Variants in PRRC2C observed in about 807,000 individuals in gnomAD.
PRRC2C encodes the protein protein PRRC2C.
Under a neutral mutation model 317.2 loss-of-function variants are expected in PRRC2C, and 72 were observed. The observed-to-expected ratio is 0.23, with a 90% CI of 0.19 to 0.28. The LOEUF is 0.28. Among genes scored for constraint, PRRC2C ranks in the 10% least tolerant of loss-of-function variants. The pLI is 1.00. For missense variants in PRRC2C, 3,074 were observed against 3,459.7 expected (o/e 0.89, Z 2.80); for synonymous variants, 1,296 against 1,205.9 (o/e 1.07, Z -1.55).
intron 11 of PRRC2C, among the ~76,000 whole-genome samples, chr1:171,530,754 C>A (rs1675695826): frequency 6.6e-6 from 1 of 152,068 alleles, no homozygotes; most frequent in Non-Finnish European, 1.5e-5. Flanking sequence ...CTGATGACAC[C>A]ATGTGTTGGC....
chr1:171,553,228 G>T (rs1680655709), intron 18 of PRRC2C, among the ~76,000 whole-genome samples: 1 of 152,200 alleles, frequency 6.6e-6, no homozygotes, highest in African/African-American at 2.4e-5. Context: ...ATTTCTTCTA[G>T]ATTTTCCAGT....
At chr1:171,560,432 A>G (rs1464111949) in intron 19 of PRRC2C, among the ~76,000 whole-genome samples, 1 of 152,160 alleles carries the variant, frequency 6.6e-6, no homozygotes, top group Non-Finnish European at 1.5e-5. Context: ...GTTCTACCAT[A>G]TGGGTAAACA....
At chr1:171,567,853 C>G (rs74782047) in intron 22 of PRRC2C, among the ~76,000 whole-genome samples, 5,724 of 152,232 alleles carry the variant, frequency 0.038, 335 homozygotes, top group African/African-American at 0.13. Context: ...CCCCTGCTTT[C>G]TTCCAGAACA....
intron 18 of PRRC2C, among the ~76,000 whole-genome samples, chr1:171,553,040 C>T (rs185726402): frequency 7.3e-4 from 111 of 152,276 alleles, no homozygotes; most frequent in African/African-American, 2.0e-3. Flanking sequence ...GGAATGGTAC[C>T]GGCTCCTCTT....
chr1:171,517,735 C>T lies in PRRC2C; in HGVS notation c.671C>T (p.Ala224Val), dbSNP rs1338564371. 6.2e-7 allele frequency: 1 copy of T among 1,613,800 alleles called. No individual in the cohort carries two copies. Among genetic ancestry groups the T allele is most frequent in the Non-Finnish European group, 8.5e-7 (1 of 1,179,866 alleles). Residue 224 changes from alanine to valine, a missense_variant, in exon 6 of 35, where the codon GCT becomes GTT. Ala to Val is a moderately conservative substitution (Grantham distance 64). Around this residue, in one of 11 missense-constraint regions of PRRC2C, gnomAD observed 237 missense variants for 199.5 expected, o/e 1.19. Coordinates refer to ENST00000647382, the MANE Select transcript of PRRC2C (RefSeq NM_001387844.1). Reference protein sequence around the residue: ...DILKVVEKRIACGPPQAKLNG... With the variant: ...DILKVVEKRIVCGPPQAKLNG... Reference sequence around the variant, plus strand: ...CTCAAAGTGGTGGAAAAGAGGATAGCTTGTGGTCCTCCACAGGCTAAACTG... The same window carrying T: ...CTCAAAGTGGTGGAAAAGAGGATAGTTTGTGGTCCTCCACAGGCTAAACTG...
Position 171,577,537 on chromosome 1 carries a change from C to T in PRRC2C, c.7059C>T (p.Ser2353=), listed in dbSNP as rs141914006. Residue 2353 remains serine (S), a synonymous_variant, in exon 26 of 35, where the codon AGC becomes AGT. Coordinates refer to ENST00000647382, the MANE Select transcript of PRRC2C (RefSeq NM_001387844.1). ...KVKPQQLQTS[S]LPSASHFSQL... ...AACCTCAGCAGTTACAGACAAGCAG[C>T]CTGCCTTCTGCAAGTCATTTTTCAC... is the stretch of plus-strand genomic sequence containing the variant. The T allele has an allele frequency of 6.2e-7, 1 of 1,613,182 alleles. No homozygotes were observed. The highest frequency in any genetic ancestry group is 8.5e-7 in the Non-Finnish European group (1 of 1,179,318).
rs11546361 is a variant in PRRC2C, at chr1:171,512,145, A to G, written c.57A>G (p.Thr19=). The G allele has an allele frequency of 4.4e-6, 7 of 1,583,070 alleles. No individual in the cohort carries two copies. In the Admixed American group the frequency reaches 5.5e-5, roughly 12 times the overall value. ...CAAAGGATGGGAAAAAGTATGCAAC[A>G]CTCAGTTTATTTAATACTTACAAGG... The part of the protein sequence containing the change: ...TKAKDGKKYA[T]LSLFNTYKGK... Residue 19 remains threonine (T), a synonymous_variant, in exon 2 of 35, where the codon ACA becomes ACG. Coordinates refer to ENST00000647382, the MANE Select transcript of PRRC2C (RefSeq NM_001387844.1).
intron 1 of PRRC2C, among the ~76,000 whole-genome samples, chr1:171,491,296 G>T (rs1184215853): frequency 2.0e-5 from 3 of 152,132 alleles, no homozygotes; most frequent in South Asian, 4.2e-4. Context: ...GAAGGTACAG[G>T]GCTGCTATAT....
chr1:171,543,989 C>G (rs1201050554), intron 16 of PRRC2C, among the ~76,000 whole-genome samples: 1 of 152,168 alleles, frequency 6.6e-6, no homozygotes, highest in African/African-American at 2.4e-5. Flanking sequence ...CATTCATTAA[C>G]CTGTTAAGGA....
Position 171,514,605 on chromosome 1 carries a change from C to T in PRRC2C, c.360C>T (p.Pro120=). The T allele has an allele frequency of 6.4e-7, 1 of 1,561,002 alleles. No individual in the cohort carries two copies. The highest frequency in any genetic ancestry group is 1.4e-5 in the African/African-American group (1 of 73,336). ...CTCCCCCAGAAGTAGCACCTGCTCC[C>T]AAATCATGGGCCAGTAACAAGCAAG... ...VAAPPEVAPA[P]KSWASNKQGG... The change falls in exon 4 of 35, where the codon CCC becomes CCT. Residue 120 remains proline, a synonymous_variant. Coordinates refer to ENST00000647382, the MANE Select transcript of PRRC2C (RefSeq NM_001387844.1).
chr1:171,592,101 A>G lies in PRRC2C; in HGVS notation c.*254A>G, dbSNP rs145977500. On this transcript the variant is annotated 3_prime_UTR_variant, in exon 35 of 35. Coordinates refer to ENST00000647382, the MANE Select transcript of PRRC2C (RefSeq NM_001387844.1). Reference sequence around the variant, plus strand: ...GGCCATGCATCTTCAGTCAGAATTTATATATAAATGTATGCACCCATTTTT... The same window carrying G: ...GGCCATGCATCTTCAGTCAGAATTTGTATATAAATGTATGCACCCATTTTT... The G allele has an allele frequency of 4.0e-5, 16 of 398,618 alleles. No individual in the cohort carries two copies. The East Asian group carries it at 4.7e-4, about 12-fold the overall frequency. The allele number at this position is 398,618 out of a possible 1,614,324, so 24.7% of individuals were successfully genotyped here. A position where few individuals can be genotyped will look rare whatever the true frequency, so the allele number is the denominator to read the frequency against.
chr1:171,525,439 A>T lies in PRRC2C; in HGVS notation c.1200+474A>T, dbSNP rs1184778903. Among the ~76,000 whole-genome samples the T allele has an allele frequency of 3.9e-5, 6 of 152,322 alleles. No individual in the cohort carries two copies. In the East Asian group the frequency reaches 1.2e-3, roughly 29 times the overall value. On this transcript the variant is annotated intron_variant, in intron 10 of 34. Coordinates refer to ENST00000647382, the MANE Select transcript of PRRC2C (RefSeq NM_001387844.1). The stretch of plus-strand genomic sequence containing the variant: ...GTGTGTGCAACAGATATTTGATCCC[A>T]CTTCTGAGATGGTAAATGGTTGCAA...
intron 16 of PRRC2C, among the ~76,000 whole-genome samples, chr1:171,543,203 T>C (rs1252387776): frequency 6.6e-6 from 1 of 150,594 alleles, no homozygotes; most frequent in African/African-American, 2.4e-5. Context: ...CCCCGTCCTC[T>C]ACTAAAAATA....
intron 1 of PRRC2C, among the ~76,000 whole-genome samples, chr1:171,491,439 C>T (rs1667128433): frequency 6.6e-6 from 1 of 152,158 alleles, no homozygotes; most frequent in African/African-American, 2.4e-5. Flanking sequence ...ACTTCTCTCT[C>T]CAAGGCATCA....
At position 171,591,749 on chromosome 1, in the gene PRRC2C, G is replaced by A; in HGVS notation, c.8599G>A (p.Glu2867Lys). The A allele has an allele frequency of 6.2e-7, 1 of 1,613,514 alleles. No homozygotes were observed. The highest frequency in any genetic ancestry group is 8.5e-7 in the Non-Finnish European group (1 of 1,179,776). The change falls in exon 35 of 35, where the codon GAA (glutamate) becomes AAA (lysine). Residue 2867 changes from glutamate to lysine, a missense_variant. Physicochemically the swap from Glu to Lys is moderately conservative, Grantham distance 56. Around this residue, in one of 11 missense-constraint regions of PRRC2C, gnomAD observed 78 missense variants for 97.7 expected, o/e 0.80. Coordinates refer to ENST00000647382, the MANE Select transcript of PRRC2C (RefSeq NM_001387844.1). ...TCCTGGGGTCTGTCAGGAAAAAGTA[G>A]AAGAAAAGCCACCCCCTGCACCCTC... ...DPPGVCQEKV[E>K]EKPPPAPSIA...
At position 171,532,699 on chromosome 1, in the gene PRRC2C, A is replaced by G; in HGVS notation, c.1611A>G (p.Arg537=). The change falls in exon 12 of 35, where the codon AGA becomes AGG. Residue 537 remains arginine (R), a synonymous_variant. Coordinates refer to ENST00000647382, the MANE Select transcript of PRRC2C (RefSeq NM_001387844.1). ...GAGAGAAGGAGAGGGAAAAAGACAGAGAGAGACAGCAGGAAAAGGAGAAAG... is the reference window on the plus strand; with the variant it reads ...GAGAGAAGGAGAGGGAAAAAGACAGGGAGAGACAGCAGGAAAAGGAGAAAG... ...QEREKEREKD[R]ERQQEKEKEL... The G allele has an allele frequency of 6.4e-7, 1 of 1,551,210 alleles. No homozygotes were observed. The highest frequency in any genetic ancestry group is 1.2e-5 in the South Asian group (1 of 83,730).
chr1:171,537,788 G>C (rs10913198), intron 15 of PRRC2C, among the ~76,000 whole-genome samples: 122,925 of 152,110 alleles, frequency 0.81, 49,795 homozygotes, highest in Middle Eastern at 0.9. Flanking sequence ...TCACTGCAGC[G>C]TTCACCTCCC....
In PRRC2C at chr1:171,517,634, T is replaced by C; in HGVS notation, c.570T>C (p.Pro190=). Residue 190 remains proline, a synonymous_variant, in exon 6 of 35, where the codon CCT becomes CCC. Transcript: ENST00000647382. The part of the protein sequence containing the change: ...WRDGGKAAGS[P]SSSDQDEKLP... ...ATGGTGGTAAGGCTGCTGGCTCACCTTCGTCATCTGATCAAGATGAAAAGC... is the reference window on the plus strand; with the variant it reads ...ATGGTGGTAAGGCTGCTGGCTCACCCTCGTCATCTGATCAAGATGAAAAGC... The C allele has an allele frequency of 6.2e-7, 1 of 1,612,886 alleles. No individual in the cohort carries two copies. Among genetic ancestry groups the C allele is most frequent in the Non-Finnish European group, 8.5e-7 (1 of 1,179,724 alleles).
chr1:171,518,950 T>C (rs1177936389), intron 6 of PRRC2C, among the ~76,000 whole-genome samples: 1 of 151,490 alleles, frequency 6.6e-6, no homozygotes, highest in Admixed American at 6.6e-5. Flanking sequence ...TGGCATGATG[T>C]CGGCTCACTG....
Sources: gnomAD v4.1 joint callset for allele counts (sites outside exome capture counted in the v4.1 genomes callset) on GRCh38, gnomAD v4.1.1 for gene constraint, gnomAD v4.1.1 regional missense constraint, MANE v1.5 for transcripts, NCBI Gene and HGNC (gene_info 2026-07-23, HGNC 2026-07-21) for gene names.